PIEZO2: variants seen among roughly 807,000 people sequenced by gnomAD.
The protein encoded by PIEZO2 is piezo-type mechanosensitive ion channel component 2.
Under a neutral mutation model 337.3 loss-of-function variants are expected in PIEZO2, and 172 were observed. The ratio of observed to expected loss-of-function variants is 0.51; its 90% CI spans 0.45 to 0.58. PIEZO2 has a LOEUF of 0.58. PIEZO2 is among the 20% of genes least tolerant of loss of function. The pLI is 0.00. For synonymous variants in PIEZO2, 1,251 were observed against 1,228.5 expected, an observed-to-expected ratio of 1.02 and a Z score of -0.38; for missense variants, 3,028 against 3,391.3, an observed-to-expected ratio of 0.89 and a Z score of 2.66.
At chr18:10,906,920 CTGAGTACTG>C (rs2029993240) in intron 4 of PIEZO2, among the ~76,000 whole-genome samples, 1 of 152,076 alleles carries the variant, frequency 6.6e-6, no homozygotes, top group Non-Finnish European at 1.5e-5. Flanking sequence ...CGTGTGGTGC[CTGAGTACTG>C]TGAGATGTAG....
At position 10,807,180 on chromosome 18, in the gene PIEZO2, G is replaced by T. The variant is rs745478486; in HGVS notation, c.1012C>A (p.Pro338Thr). ...TAGTACATCACCAGCAGGAGGATAG[G>T]GTTGGCGTGGTGGTACCACGACAGG... is the stretch of plus-strand genomic sequence containing the variant. ...PDLSWYHHAN[P>T]ILLLVMYYTL... Residue 338 changes from proline (P) to threonine (T), a missense_variant, in exon 8 of 56, where the codon CCT becomes ACT. Coordinates refer to ENST00000674853, the MANE Select transcript of PIEZO2 (RefSeq NM_001378183.1). The T allele has an allele frequency of 3.3e-6, 5 of 1,537,240 alleles. No individual in the cohort carries two copies. The South Asian group carries it at 5.9e-5, about 18-fold the overall frequency.
chr18:11,023,326 A>C (rs1374988656), intron 2 of PIEZO2, among the ~76,000 whole-genome samples: 1 of 152,080 alleles, frequency 6.6e-6, no homozygotes, highest in Non-Finnish European at 1.5e-5. Context: ...CCTGAGCTAG[A>C]CACAAAGGTT....
chr18:11,070,103 T>G lies in PIEZO2; in HGVS notation c.65-3881A>C, dbSNP rs2038283887. ...TAGTTTTGTCCTTGTGGGAACTGTG[T>G]GCTTACATAAACAAAGATGGTATGC... On this transcript the variant is annotated intron_variant, in intron 1 of 55. Transcript: ENST00000674853. This position sits in a 1 kb window ranked among gnomAD's most constrained non-coding sequence, Gnocchi z 4.3. Among the ~76,000 whole-genome samples the G allele has an allele frequency of 2.6e-5, 4 of 152,212 alleles. No individual in the cohort carries two copies. Among genetic ancestry groups the G allele is most frequent in the Admixed American group, 6.5e-5 (1 of 15,278 alleles).
chr18:10,890,047 C>T (rs890467311), intron 4 of PIEZO2, among the ~76,000 whole-genome samples: 1 of 152,196 alleles, frequency 6.6e-6, no homozygotes, highest in African/African-American at 2.4e-5. Flanking sequence ...CATAACAGAG[C>T]AAATCTGCTC....
chr18:10,764,545 G>C lies in PIEZO2; in HGVS notation c.2947-1447C>G, dbSNP rs144998229. Reference sequence around the variant, plus strand: ...AATCCCAGCTACAGTGGCCGAGATCGTGCCACTGCACTCCAGCCTGGGTGA... The same window carrying C: ...AATCCCAGCTACAGTGGCCGAGATCCTGCCACTGCACTCCAGCCTGGGTGA... On this transcript the variant is annotated intron_variant, in intron 21 of 55. Transcript: ENST00000674853. Among the ~76,000 whole-genome samples, 1,355 of 150,632 alleles carry C rather than the reference G, an allele frequency of 9.0e-3. 24 individuals carry two copies. The highest frequency in any genetic ancestry group is 0.03 in the African/African-American group (1,213 of 40,804).
At position 10,697,743 on chromosome 18, in the gene PIEZO2, C is replaced by G; in HGVS notation, c.6827+5G>C. On this transcript the variant is annotated splice_donor_5th_base_variant and intron_variant, in intron 45 of 55. Coordinates refer to ENST00000674853, the MANE Select transcript of PIEZO2 (RefSeq NM_001378183.1). ...CACACATGCCATATGTTCTCATGGA[C>G]TCACTTCTTTATGGTAAAGGCTTTT... The G allele has an allele frequency of 6.2e-7, 1 of 1,613,254 alleles. No individual in the cohort carries two copies. Among genetic ancestry groups the G allele is most frequent in the Non-Finnish European group, 8.5e-7 (1 of 1,179,896 alleles).
Position 10,748,796 on chromosome 18 carries a change from C to G in PIEZO2, c.4265-166G>C, listed in dbSNP as rs762055282. Among the ~76,000 whole-genome samples the G allele has an allele frequency of 1.3e-5, 2 of 152,166 alleles. No homozygotes were observed. Among genetic ancestry groups the G allele is most frequent in the Non-Finnish European group, 2.9e-5 (2 of 68,040 alleles). ...TTATTTACAAGGAGATCACACACTT[C>G]CAATCCAATATCAACACTGATTCAT... On this transcript the variant is annotated intron_variant, in intron 29 of 55. Transcript: ENST00000674853. This position sits in a 1 kb window ranked among gnomAD's most constrained non-coding sequence, Gnocchi z 5.1.
At position 10,784,766 on chromosome 18, in the gene PIEZO2, TTTC is replaced by T. The variant is rs1252334030; in HGVS notation, c.2492+15_2492+17del. 4 of 1,520,048 alleles carry T rather than the reference TTTC, an allele frequency of 2.6e-6. No homozygotes were observed. Among genetic ancestry groups the T allele is most frequent in the African/African-American group, 1.4e-5 (1 of 72,642 alleles). The allele number at this position is 1,520,048 out of a possible 1,614,324, so 94.2% of individuals were successfully genotyped here. ...CCTTCCTGCTAATAAGAGGTCTGTG[TTTC>T]TTCCAGTGGCTCACCTGTAGATGGT... On this transcript the variant is annotated intron_variant, in intron 17 of 55. Transcript: ENST00000674853. This position sits in a 1 kb window ranked among gnomAD's most constrained non-coding sequence, Gnocchi z 4.5.
intron 31 of PIEZO2, among the ~76,000 whole-genome samples, chr18:10,742,843 T>C (rs185300515): frequency 5.1e-4 from 77 of 152,014 alleles, no homozygotes; most frequent in African/African-American, 1.7e-3. Flanking sequence ...CCCATGTTAT[T>C]TGGCACTGCA....
chr18:11,050,345 A>G (rs894929684), intron 2 of PIEZO2, among the ~76,000 whole-genome samples: 2 of 152,202 alleles, frequency 1.3e-5, no homozygotes, highest in Non-Finnish European at 2.9e-5. Flanking sequence ...ACCAGATGCA[A>G]TCAGCTTTAA....
At chr18:11,139,983 G>A (rs2040595966) in intron 1 of PIEZO2, among the ~76,000 whole-genome samples, 1 of 152,150 alleles carries the variant, frequency 6.6e-6, no homozygotes, top group African/African-American at 2.4e-5. Flanking sequence ...CTTTGACTCT[G>A]CTGTTCTCCA....
intron 27 of PIEZO2, among the ~76,000 whole-genome samples, chr18:10,754,663 T>TA (rs2037768389): frequency 6.6e-6 from 1 of 152,132 alleles, no homozygotes; most frequent in Non-Finnish European, 1.5e-5. Context: ...AGAGAAGAGG[T>TA]AAAAATGGAA....
At chr18:11,076,145 A>G (rs1287949320) in intron 1 of PIEZO2, among the ~76,000 whole-genome samples, 1 of 152,234 alleles carries the variant, frequency 6.6e-6, no homozygotes, top group Non-Finnish European at 1.5e-5. Context: ...TTAACATTAC[A>G]TTTTTATTCT....
chr18:10,757,359 T>G (rs2037914509), intron 27 of PIEZO2, among the ~76,000 whole-genome samples: 2 of 128,362 alleles, frequency 1.6e-5, no homozygotes, highest in Non-Finnish European at 3.3e-5. Context: ...TGGAGGGTGA[T>G]GAGGAGGGAT....
intron 7 of PIEZO2, among the ~76,000 whole-genome samples, chr18:10,816,644 A>G (rs927185964): frequency 9.3e-5 from 14 of 151,272 alleles, no homozygotes; most frequent in African/African-American, 3.4e-4. Context: ...ACTAATCATT[A>G]TATAGTATTG....
chr18:10,765,776 G>A (rs1049935620), intron 21 of PIEZO2, among the ~76,000 whole-genome samples: 2 of 151,816 alleles, frequency 1.3e-5, no homozygotes, highest in Non-Finnish European at 2.9e-5. Flanking sequence ...TCACCCATGA[G>A]AGTCCAGAAC....
chr18:10,832,795 AGACCCGGGCCATG>A (rs1484379701), intron 7 of PIEZO2, among the ~76,000 whole-genome samples: 1 of 152,216 alleles, frequency 6.6e-6, no homozygotes, highest in African/African-American at 2.4e-5. Context: ...GCCAATTCTC[AGACCCGGGCCATG>A]GACATTCCGG....
In PIEZO2 at chr18:11,092,036, G is replaced by A. The variant is rs1021641154; in HGVS notation, c.65-25814C>T. 3.3e-5 allele frequency among the ~76,000 whole-genome samples: 5 copies of A among 152,216 alleles called. No homozygotes were observed. Among genetic ancestry groups the A allele is most frequent in the Non-Finnish European group, 5.9e-5 (4 of 68,040 alleles). ...GTATCCCAATAAAAGACTCTTTGGA[G>A]GGTGTGGCAAATGTGGTCTTTGATG... On this transcript the variant is annotated intron_variant, in intron 1 of 55. Transcript: ENST00000674853. This position sits in a 1 kb window ranked among gnomAD's most constrained non-coding sequence, Gnocchi z 4.5.
rs2041044330 is a variant in PIEZO2 at position 10,837,297 on chromosome 18, G to T, written c.917+18056C>A. 6.6e-6 allele frequency among the ~76,000 whole-genome samples: 1 copy of T among 152,204 alleles called. No homozygotes were observed. On this transcript the variant is annotated intron_variant, in intron 7 of 55. Transcript: ENST00000674853. This position sits in a 1 kb window ranked among gnomAD's most constrained non-coding sequence, Gnocchi z 4.4. ...TGAGAAGAGCCTTTAAGTTCTCACT[G>T]ATCCTCAAGGGAAGAAAAGAAGTCC...
Sources: allele counts gnomAD v4.1 joint callset (sites outside exome capture counted in the v4.1 genomes callset), GRCh38; gene constraint gnomAD v4.1.1; non-coding constraint Gnocchi (gnomAD v3.1); transcripts MANE v1.5; gene names NCBI Gene and HGNC (gene_info 2026-07-23, HGNC 2026-07-21).